NBAS: variants seen among roughly 807,000 people sequenced by gnomAD.
NBAS encodes NBAS subunit of NRZ tethering complex.
A neutral mutation model predicts 302.5 loss-of-function variants in NBAS; 219 were observed. The ratio of observed to expected loss-of-function variants is 0.72; its 90% CI spans 0.65 to 0.81. The LOEUF is 0.81. Among genes scored for constraint, NBAS ranks in the 30% least tolerant of loss-of-function variants. The pLI is 0.00. For synonymous variants in NBAS, 1,118 were observed against 1,021.6 expected (o/e 1.09, Z -1.80); for missense variants, 2,932 against 2,841.6 (o/e 1.03, Z -0.72).
chr2:14,961,097 G>A, the NBAS span, among the ~76,000 whole-genome samples: 9 of 152,218 alleles, frequency 5.9e-5, no homozygotes, highest in Middle Eastern at 6.8e-3. Context: ...TTCTTTGGAG[G>A]GGTTGACTCT....
the NBAS span, among the ~76,000 whole-genome samples, chr2:14,863,900 G>A: frequency 1.3e-5 from 2 of 152,282 alleles, no homozygotes; most frequent in South Asian, 2.1e-4. Flanking sequence ...GTAGAATCTT[G>A]ATCTCCTTGG....
intron 4 of NBAS, among the ~76,000 whole-genome samples, 167 bp downstream of exon 4, chr2:15,553,868 CTCCCTCTCTCTCTCCCTCTCTCTCTT>C (rs879413883): frequency 1.1e-4 from 4 of 36,334 alleles, no homozygotes; most frequent in Non-Finnish European, 5.5e-4. Flanking sequence ...CCCTCCCTCT[CTCCCTCTCTCTCTCCCTCTCTCTCTT>C]TCCCTCTCTC....
chr2:15,147,038 A>G, the NBAS span, among the ~76,000 whole-genome samples: 1 of 152,288 alleles, frequency 6.6e-6, no homozygotes, highest in South Asian at 2.1e-4. Context: ...ATCCCTTGTT[A>G]TCGTGTGCAT....
At chr2:15,446,653 T>C (rs1435641068) in intron 21 of NBAS, among the ~76,000 whole-genome samples, 2 of 152,150 alleles carry the variant, frequency 1.3e-5, no homozygotes, top group Non-Finnish European at 2.9e-5. Context: ...ACATTTTCAA[T>C]TTTAAAAAAT....
the NBAS span, among the ~76,000 whole-genome samples, chr2:14,895,672 G>A: frequency 6.6e-6 from 1 of 151,402 alleles, no homozygotes; most frequent in Non-Finnish European, 1.5e-5. Flanking sequence ...CCCGGGAGGT[G>A]GAGCTTGCAG....
At chr2:15,262,629 A>C (rs1416299920) in intron 44 of NBAS, among the ~76,000 whole-genome samples, 4 of 152,230 alleles carry the variant, frequency 2.6e-5, no homozygotes, top group South Asian at 4.1e-4. Flanking sequence ...GATGTGTCTA[A>C]GATCTATCAA....
In NBAS at chr2:15,190,393, G is replaced by A. The variant is rs751585966; in HGVS notation, c.6443C>T (p.Ala2148Val). ...ASWPQRQVDI[A>V]DIENEENRYC... ...GCGGTTCTCTTCATTCTCAATGTCAGCTATGTCTACCTGGAAGAAGAAATA... is the reference window on the plus strand; with the variant it reads ...GCGGTTCTCTTCATTCTCAATGTCAACTATGTCTACCTGGAAGAAGAAATA... Residue 2148 changes from alanine to valine, a missense_variant, in exon 49 of 52, where the codon GCT becomes GTT. Physicochemically the swap from Ala to Val is moderately conservative, Grantham distance 64. Coordinates refer to ENST00000281513, the MANE Select transcript of NBAS (RefSeq NM_015909.4). 6.2e-6 allele frequency: 10 copies of A among 1,613,794 alleles called. No individual in the cohort carries two copies. The African/African-American group carries it at 9.3e-5, about 15-fold the overall frequency.
the NBAS span, among the ~76,000 whole-genome samples, chr2:15,123,059 C>G: frequency 6.6e-6 from 1 of 152,214 alleles, no homozygotes; most frequent in Non-Finnish European, 1.5e-5. Flanking sequence ...CCACCAGTGA[C>G]TTCCCCCAGG....
the NBAS span, among the ~76,000 whole-genome samples, chr2:14,829,927 A>G: frequency 6.6e-6 from 1 of 152,330 alleles, no homozygotes; most frequent in African/African-American, 2.4e-5. Flanking sequence ...CTTATCAAAG[A>G]CATATTGGTT....
chr2:15,050,252 T>C, the NBAS span, among the ~76,000 whole-genome samples: 2 of 152,100 alleles, frequency 1.3e-5, no homozygotes, highest in African/African-American at 2.4e-5. Flanking sequence ...TTTTTTAAAT[T>C]TTTTCTTTCT....
In NBAS at chr2:15,366,755, C is replaced by T. The variant is rs1417823113; in HGVS notation, c.3704-62G>A. The T allele has an allele frequency of 5.5e-6, 8 of 1,444,234 alleles. No individual in the cohort carries two copies. In the East Asian group the frequency reaches 1.4e-4, roughly 25 times the overall value. 89.5% of individuals were successfully genotyped at this position (1,444,234 alleles called of 1,614,324 possible). A position where few individuals can be genotyped will look rare whatever the true frequency, so the allele number is the denominator to read the frequency against. ...GACATCACAAAAGGGTGTTAATGGC[C>T]TTCCTAATGCAAGGCATCCAAAGAA... On this transcript the variant is annotated intron_variant, in intron 31 of 51. Transcript: ENST00000281513.
chr2:14,981,160 G>A, the NBAS span, among the ~76,000 whole-genome samples: 2 of 152,180 alleles, frequency 1.3e-5, no homozygotes, highest in East Asian at 3.9e-4. Context: ...GGCCCACCAA[G>A]TGACCCAGCA....
intron 48 of NBAS, among the ~76,000 whole-genome samples, chr2:15,213,356 A>G (rs1256549070): frequency 6.6e-6 from 1 of 152,258 alleles, no homozygotes. Context: ...TTAATTAAGC[A>G]GCAGTTAACA....
At chr2:15,005,662 C>A in the NBAS span, among the ~76,000 whole-genome samples, 2 of 152,200 alleles carry the variant, frequency 1.3e-5, no homozygotes, top group African/African-American at 2.4e-5. Flanking sequence ...CATCCAGATT[C>A]TCTTATCAAA....
At position 15,186,820 on chromosome 2, in the gene NBAS, C is replaced by T. The variant is rs2125132847; in HGVS notation, c.6633G>A (p.Glu2211=). The change falls in exon 50 of 52, where the codon GAG becomes GAA. Residue 2211 remains glutamate (E), a synonymous_variant. Coordinates refer to ENST00000281513, the MANE Select transcript of NBAS (RefSeq NM_015909.4). ...ATVMLTRCTM[E]NKEGLGNEVL... is the part of the protein sequence containing the mutation. ...CTTCATTCCCCAATCCTTCCTTGTT[C>T]TCCATCGTACATCTGGTTAGCATCA... The T allele has an allele frequency of 6.2e-7, 1 of 1,613,934 alleles. No individual in the cohort carries two copies. The highest frequency in any genetic ancestry group is 8.5e-7 in the Non-Finnish European group (1 of 1,179,974).
At chr2:14,862,873 G>C in the NBAS span, among the ~76,000 whole-genome samples, 2,687 of 152,218 alleles carry the variant, frequency 0.018, 94 homozygotes, top group African/African-American at 0.06. Context: ...AGGGACTCAG[G>C]TTTCTCCCAT....
At chr2:15,540,731 T>G (rs1663772120) in intron 6 of NBAS, among the ~76,000 whole-genome samples, 1 of 21,718 alleles carries the variant, frequency 4.6e-5, no homozygotes, top group Non-Finnish European at 1.4e-4. Context: ...TGTTTTTTGT[T>G]TTTTTTTTTG....
In NBAS at chr2:15,177,958, C is replaced by T. The variant is rs141909463; in HGVS notation, c.6840+1030G>A. On this transcript the variant is annotated intron_variant, in intron 51 of 51. Transcript: ENST00000281513. ...TAAATGAATAAAGGCATTTGATTTT[C>T]TCATTTTATTCATAATGATTATTTC... 62 of 319,122 alleles carry T rather than the reference C, an allele frequency of 1.9e-4. 1 individual carries two copies. The East Asian group carries it at 4.1e-3, about 21-fold the overall frequency. The allele number at this position is 319,122 out of a possible 1,614,324, so 19.8% of individuals were successfully genotyped here. A position where few individuals can be genotyped will look rare whatever the true frequency, so the allele number is the denominator to read the frequency against.
chr2:15,168,102 C>T (rs1022052973), intron 51 of NBAS, among the ~76,000 whole-genome samples: 3 of 152,152 alleles, frequency 2.0e-5, no homozygotes, highest in Non-Finnish European at 4.4e-5. Flanking sequence ...TTTAAAGAAT[C>T]AAGTCCACAC....
Sources: allele counts gnomAD v4.1 joint callset (sites outside exome capture counted in the v4.1 genomes callset), GRCh38; gene constraint gnomAD v4.1.1; transcripts MANE v1.5; gene names NCBI Gene and HGNC (gene_info 2026-07-23, HGNC 2026-07-21).